Variants in CCSER1 observed in about 807,000 individuals in gnomAD.
The protein encoded by CCSER1 is coiled-coil serine rich protein 1, also known as serine-rich coiled-coil domain-containing protein 1.
Under a neutral mutation model 82.0 loss-of-function variants are expected in CCSER1, and 41 were observed. The ratio of observed to expected loss-of-function variants is 0.50; its 90% confidence interval spans 0.39 to 0.65. The LOEUF is 0.65. Ranked by LOEUF, CCSER1 falls within the 30% of genes least tolerant of loss-of-function variation. The pLI is 0.00. For synonymous variants in CCSER1, 414 were observed against 383.9 expected, an observed-to-expected ratio of 1.08 and a Z score of -0.92; for missense variants, 1,119 against 1,064.2, an observed-to-expected ratio of 1.05 and a Z score of -0.72.
In CCSER1 at chr4:91,555,652, G is replaced by C. The variant is rs184436323; in HGVS notation, c.2218-42920G>C. Among the ~76,000 whole-genome samples, 47 of 151,074 alleles carry C rather than the reference G, an allele frequency of 3.1e-4. 1 individual carries two copies. The highest frequency in any genetic ancestry group is 5.6e-4 in the Non-Finnish European group (38 of 67,450). Reference sequence around the variant, plus strand: ...ACAAAAGAATGAATATTTGGAACAAGAACAAACTTAAAAGCTAAGACAAAG... The same window carrying C: ...ACAAAAGAATGAATATTTGGAACAACAACAAACTTAAAAGCTAAGACAAAG... On this transcript the variant is annotated intron_variant, in intron 10 of 10. Coordinates refer to ENST00000509176, the MANE Select transcript of CCSER1 (RefSeq NM_001145065.2).
intron 5 of CCSER1, among the ~76,000 whole-genome samples, chr4:90,624,518 C>T (rs78789451): frequency 5.9e-5 from 9 of 152,234 alleles, no homozygotes; most frequent in South Asian, 4.1e-4. Flanking sequence ...GCCATACTGA[C>T]GAGAGAATTA....
intron 9 of CCSER1, among the ~76,000 whole-genome samples, chr4:90,983,378 C>A (rs1736297801): frequency 6.6e-6 from 1 of 151,566 alleles, no homozygotes; most frequent in Admixed American, 6.6e-5. Context: ...TTGAAATCAG[C>A]AACTCTGTTA....
chr4:90,981,972 A>C (rs1736156273), intron 9 of CCSER1, among the ~76,000 whole-genome samples: 1 of 151,832 alleles, frequency 6.6e-6, no homozygotes, highest in Non-Finnish European at 1.5e-5. Context: ...ATAATCTCGA[A>C]TTCTTCCTGC....
rs527453841 is a variant in CCSER1 at position 91,126,811 on chromosome 4, T to G, written c.2217+40817T>G. On this transcript the variant is annotated intron_variant, in intron 10 of 10. Coordinates refer to ENST00000509176, the MANE Select transcript of CCSER1 (RefSeq NM_001145065.2). The stretch of plus-strand genomic sequence containing the variant: ...ACATTTGTTGTTTACTATGTAACAC[T>G]ATGTACTTAACAGCAAGCACTCAAC... 9.2e-5 allele frequency among the ~76,000 whole-genome samples: 14 copies of G among 152,064 alleles called. No individual in the cohort carries two copies. The South Asian group carries it at 1.7e-3, about 18-fold the overall frequency.
At chr4:91,203,155 C>T (rs1736066584) in intron 10 of CCSER1, among the ~76,000 whole-genome samples, 1 of 151,874 alleles carries the variant, frequency 6.6e-6, no homozygotes, top group African/African-American at 2.4e-5. Flanking sequence ...TCTCCAGCAC[C>T]TGTTGTTTCC....
intron 5 of CCSER1, among the ~76,000 whole-genome samples, chr4:90,534,534 C>A (rs1177321233): frequency 6.6e-6 from 1 of 151,160 alleles, no homozygotes; most frequent in Non-Finnish European, 1.5e-5. Flanking sequence ...ATGGACGAGC[C>A]CCACTATTAC....
At chr4:90,877,656 T>C (rs1411946070) in intron 8 of CCSER1, among the ~76,000 whole-genome samples, 2 of 150,242 alleles carry the variant, frequency 1.3e-5, no homozygotes, top group Non-Finnish European at 3.0e-5. Flanking sequence ...CTGCTAAATA[T>C]ACCCAGATGC....
At chr4:91,527,719 G>T (rs1013383857) in intron 10 of CCSER1, among the ~76,000 whole-genome samples, 3 of 151,896 alleles carry the variant, frequency 2.0e-5, no homozygotes, top group Non-Finnish European at 2.9e-5. Flanking sequence ...TTAGTATGAG[G>T]TATATATTTA....
intron 10 of CCSER1, among the ~76,000 whole-genome samples, chr4:91,134,788 G>A (rs1002588021): frequency 5.9e-5 from 9 of 152,204 alleles, no homozygotes; most frequent in African/African-American, 1.7e-4. Context: ...CTGGCCAGGC[G>A]CGGTGGCTCA....
At chr4:91,487,740 T>C (rs760780953) in intron 10 of CCSER1, among the ~76,000 whole-genome samples, 9 of 152,026 alleles carry the variant, frequency 5.9e-5, no homozygotes, top group Non-Finnish European at 8.8e-5. Flanking sequence ...TCACTAAATT[T>C]GGTATCTGGT....
intron 10 of CCSER1, among the ~76,000 whole-genome samples, chr4:91,288,874 G>T (rs189996078): frequency 7.2e-5 from 11 of 151,996 alleles, no homozygotes; most frequent in African/African-American, 2.7e-4. Context: ...ATCAGTGACA[G>T]CCAGGAACGT....
At chr4:91,245,096 A>G (rs756107577) in intron 10 of CCSER1, among the ~76,000 whole-genome samples, 5 of 152,052 alleles carry the variant, frequency 3.3e-5, no homozygotes, top group African/African-American at 7.2e-5. Context: ...TGGTCAGAGG[A>G]GGCAAAAGAA....
chr4:90,882,209 T>A (rs954248141), intron 8 of CCSER1, among the ~76,000 whole-genome samples: 1 of 151,988 alleles, frequency 6.6e-6, no homozygotes, highest in Non-Finnish European at 1.5e-5. Flanking sequence ...TGAATGAAAA[T>A]ACATCACATA....
At chr4:90,373,300 A>T (rs1747765006) in intron 3 of CCSER1, among the ~76,000 whole-genome samples, 1 of 152,198 alleles carries the variant, frequency 6.6e-6, no homozygotes, top group Non-Finnish European at 1.5e-5. Context: ...AACCACCATG[A>T]TGAGGAAGAT....
intron 4 of CCSER1, among the ~76,000 whole-genome samples, chr4:90,455,296 A>G (rs910457190): frequency 6.6e-6 from 1 of 152,208 alleles, no homozygotes; most frequent in Non-Finnish European, 1.5e-5. Flanking sequence ...AAAGGAATAT[A>G]AGGCAGATTT....
chr4:90,688,644 A>G (rs1057218077), intron 6 of CCSER1, among the ~76,000 whole-genome samples: 4 of 152,124 alleles, frequency 2.6e-5, no homozygotes, highest in African/African-American at 9.7e-5. Flanking sequence ...ATGTTTTATG[A>G]TGGTGGTTAT....
At chr4:91,591,189 T>C (rs966140274) in intron 10 of CCSER1, among the ~76,000 whole-genome samples, 2 of 152,160 alleles carry the variant, frequency 1.3e-5, no homozygotes, top group Admixed American at 6.6e-5. Context: ...CAATAAGTAA[T>C]ACATACTTAA....
At chr4:90,818,607 G>A (rs723782) in intron 8 of CCSER1, among the ~76,000 whole-genome samples, 47 of 152,174 alleles carry the variant, frequency 3.1e-4, no homozygotes, top group African/African-American at 1.1e-3. Flanking sequence ...TTAAATGCAA[G>A]TGTTTTAGTC....
At chr4:91,483,626 G>A (rs1386877428) in intron 10 of CCSER1, among the ~76,000 whole-genome samples, 1 of 151,850 alleles carries the variant, frequency 6.6e-6, no homozygotes, top group South Asian at 2.1e-4. Context: ...AATAGAGACG[G>A]GATTTCACCA....
Sources: allele counts gnomAD v4.1 joint callset (sites outside exome capture counted in the v4.1 genomes callset), GRCh38; gene constraint gnomAD v4.1.1; transcripts MANE v1.5; gene names NCBI Gene and HGNC (gene_info 2026-07-23, HGNC 2026-07-21).